MYO5B: variants seen among roughly 807,000 people sequenced by gnomAD.
The protein encoded by MYO5B is unconventional myosin-Vb.
A neutral mutation model predicts 229.3 loss-of-function variants in MYO5B; 143 were observed. The ratio of observed to expected loss-of-function variants is 0.62; its 90% CI spans 0.54 to 0.72. The LOEUF (loss-of-function observed/expected upper bound fraction) is 0.72. Ranked by LOEUF, MYO5B falls within the 30% of genes least tolerant of loss-of-function variation. The pLI is 0.00. For synonymous variants in MYO5B, 918 were observed against 885.2 expected (o/e 1.04, Z -0.66); for missense variants, 2,321 against 2,331.0 (o/e 1.00, Z 0.09).
chr18:49,826,721 A>G, intron 39 of MYO5B, 98 bp from the exon 40 acceptor site: 1 of 1,402,564 alleles, frequency 7.1e-7, no homozygotes, highest in Non-Finnish European at 1.0e-6. Flanking sequence ...TCATGGAAAG[A>G]TTTCTACGAC....
intron 4 of MYO5B, among the ~76,000 whole-genome samples, chr18:50,014,669 G>C (rs1279141391): frequency 1.3e-5 from 2 of 152,196 alleles, no homozygotes; most frequent in African/African-American, 4.8e-5. Flanking sequence ...TGGATGAGGA[G>C]CCCAAAGGGG....
intron 9 of MYO5B, among the ~76,000 whole-genome samples, chr18:49,975,813 G>T (rs1411133251): frequency 6.6e-6 from 1 of 152,138 alleles, no homozygotes; most frequent in East Asian, 1.9e-4. Flanking sequence ...CTTCTACCAC[G>T]GTCCTGCCCG....
chr18:50,060,307 G>C (rs760178022), intron 1 of MYO5B, among the ~76,000 whole-genome samples: 3 of 152,116 alleles, frequency 2.0e-5, no homozygotes, highest in African/African-American at 4.8e-5. Flanking sequence ...TTCACAGAAG[G>C]CCATTATTTT....
intron 17 of MYO5B, among the ~76,000 whole-genome samples, chr18:49,920,144 C>A (rs1352158453): frequency 5.3e-5 from 8 of 152,108 alleles, no homozygotes; most frequent in Non-Finnish European, 1.0e-4. Context: ...TTAGCGCTTG[C>A]CAGGGGCTGG....
intron 17 of MYO5B, among the ~76,000 whole-genome samples, chr18:49,920,922 A>T (rs2025067191): frequency 6.6e-6 from 1 of 152,224 alleles, no homozygotes; most frequent in Non-Finnish European, 1.5e-5. Context: ...GAACGAAGAC[A>T]GATCTCACAC....
chr18:49,932,977 G>C (rs2025210770), intron 16 of MYO5B, among the ~76,000 whole-genome samples: 1 of 152,196 alleles, frequency 6.6e-6, no homozygotes, highest in Non-Finnish European at 1.5e-5. Context: ...AGACATAGAA[G>C]GTCACAGTGC....
At chr18:49,937,991 A>C (rs2025270030) in intron 14 of MYO5B, among the ~76,000 whole-genome samples, 1 of 152,212 alleles carries the variant, frequency 6.6e-6, no homozygotes, top group African/African-American at 2.4e-5. Flanking sequence ...GAATTTTGTA[A>C]TGTATGAATG....
At chr18:50,070,898 A>G (rs184165834) in intron 1 of MYO5B, among the ~76,000 whole-genome samples, 67 of 151,922 alleles carry the variant, frequency 4.4e-4, no homozygotes, top group African/African-American at 1.5e-3. Context: ...GTGGGAGTGC[A>G]GTGGTGAGAT....
At chr18:50,159,810 C>G (rs75193001) in intron 1 of MYO5B, among the ~76,000 whole-genome samples, 4,377 of 152,294 alleles carry the variant, frequency 0.029, 192 homozygotes, top group African/African-American at 0.1. Context: ...CTCCCCAGCA[C>G]CCCCACGCCA....
intron 1 of MYO5B, among the ~76,000 whole-genome samples, chr18:50,129,882 A>G (rs969427979): frequency 3.9e-5 from 6 of 152,156 alleles, no homozygotes; most frequent in Non-Finnish European, 7.3e-5. Flanking sequence ...ATTTTTCTCA[A>G]TTTTCTAAAA....
intron 1 of MYO5B, among the ~76,000 whole-genome samples, chr18:50,145,497 C>CAAAAAAAAAAAAA (rs369507800): frequency 4.3e-5 from 3 of 70,008 alleles, no homozygotes; most frequent in African/African-American, 1.7e-4. Context: ...GACTCCATCT[C>CAAAAAAAAAAAAA]AAAAAAAAAA....
At chr18:50,160,417 CG>C (rs2032747999) in intron 1 of MYO5B, among the ~76,000 whole-genome samples, 1 of 152,170 alleles carries the variant, frequency 6.6e-6, no homozygotes, top group South Asian at 2.1e-4. Context: ...TTCCCTGACT[CG>C]GGGGTTCTGT....
chr18:49,949,547 G>T (rs7231881), intron 14 of MYO5B, among the ~76,000 whole-genome samples: 6 of 152,128 alleles, frequency 3.9e-5, no homozygotes, highest in African/African-American at 7.2e-5. Context: ...TTCACTGCTC[G>T]TAGTGGGAGT....
At chr18:50,145,546 CA>C (rs1465486636) in intron 1 of MYO5B, among the ~76,000 whole-genome samples, 5 of 136,456 alleles carry the variant, frequency 3.7e-5, no homozygotes, top group Admixed American at 2.9e-4. Context: ...AAATTTCTCT[CA>C]GGAGCATCCC....
intron 10 of MYO5B, among the ~76,000 whole-genome samples, chr18:49,965,188 G>A (rs2025608805): frequency 6.6e-6 from 1 of 152,182 alleles, no homozygotes; most frequent in South Asian, 2.1e-4. Context: ...TGGGCATGAA[G>A]GAAGATGTGG....
chr18:49,869,637 G>T (rs1157112965), intron 27 of MYO5B, among the ~76,000 whole-genome samples: 3 of 152,192 alleles, frequency 2.0e-5, no homozygotes, highest in Non-Finnish European at 4.4e-5. Context: ...CTTCCTCAAG[G>T]ACAGCTAAAT....
intron 1 of MYO5B, among the ~76,000 whole-genome samples, chr18:50,106,883 T>C (rs2031771188): frequency 6.6e-6 from 1 of 152,154 alleles, no homozygotes; most frequent in Non-Finnish European, 1.5e-5. Context: ...TAACTCTATG[T>C]CCCTCCCACC....
intron 1 of MYO5B, among the ~76,000 whole-genome samples, chr18:50,077,502 A>AAACACACAC (rs2031114571): frequency 2.2e-5 from 3 of 133,518 alleles, no homozygotes; most frequent in Non-Finnish European, 3.3e-5. Context: ...CACACACACA[A>AAACACACAC]ACACACACAC....
At chr18:49,831,923 T>C (rs2023927973) in intron 39 of MYO5B, among the ~76,000 whole-genome samples, 1 of 152,152 alleles carries the variant, frequency 6.6e-6, no homozygotes, top group African/African-American at 2.4e-5. Flanking sequence ...AAAATGAAGT[T>C]TTTATGCATG....
Sources: gnomAD v4.1 joint callset for allele counts (sites outside exome capture counted in the v4.1 genomes callset) on GRCh38, gnomAD v4.1.1 for gene constraint, MANE v1.5 for transcripts, NCBI Gene and HGNC (gene_info 2026-07-23, HGNC 2026-07-21) for gene names.